POU2AF2: variants seen among roughly 807,000 people sequenced by gnomAD.
The protein encoded by POU2AF2 is POU domain class 2-associating factor 2.
chr11:111,285,917 A>G, the POU2AF2 span: 12 of 1,613,794 alleles, frequency 7.4e-6, no homozygotes, highest in Admixed American at 1.5e-4. Flanking sequence ...GACGGTGTCA[A>G]ATGACCTACC....
At chr11:111,285,353 T>C in the POU2AF2 span, among the ~76,000 whole-genome samples, 2 of 152,216 alleles carry the variant, frequency 1.3e-5, no homozygotes, top group African/African-American at 4.8e-5. Flanking sequence ...CAGAGTGCAT[T>C]GCACACAGTA....
the POU2AF2 span, chr11:111,284,034 T>A: frequency 6.3e-7 from 1 of 1,590,726 alleles, no homozygotes; most frequent in Non-Finnish European, 8.6e-7. Flanking sequence ...TTGACCGCCC[T>A]GGGAGGAATT....
chr11:111,275,424 G>A, the POU2AF2 span, among the ~76,000 whole-genome samples: 1 of 152,220 alleles, frequency 6.6e-6, no homozygotes, highest in Non-Finnish European at 1.5e-5. Flanking sequence ...GAGGACAGGT[G>A]TCCAATTGGC....
chr11:111,260,033 T>C, the POU2AF2 span, among the ~76,000 whole-genome samples: 1 of 152,244 alleles, frequency 6.6e-6, no homozygotes, highest in South Asian at 2.1e-4. Context: ...GGATATCATA[T>C]GCATTAGTCA....
the POU2AF2 span, among the ~76,000 whole-genome samples, chr11:111,276,453 A>AAAAAAAAAAAAAAAAATAT: frequency 2.7e-5 from 1 of 37,688 alleles, no homozygotes; most frequent in African/African-American, 9.6e-5. Context: ...AAAAAAAAAA[A>AAAAAAAAAAAAAAAAATAT]ATATATATAT....
At chr11:111,268,848 TCTTTA>T in the POU2AF2 span, among the ~76,000 whole-genome samples, 10 of 152,024 alleles carry the variant, frequency 6.6e-5, no homozygotes, top group South Asian at 2.1e-4. Flanking sequence ...GCACCCAGCC[TCTTTA>T]CTTTTCTTTT....
the POU2AF2 span, chr11:111,256,066 G>A: frequency 1.5e-5 from 6 of 399,036 alleles, no homozygotes; most frequent in South Asian, 1.3e-4. Context: ...AAAACGATCC[G>A]GGCAGACAAG....
At chr11:111,260,214 C>A in the POU2AF2 span, among the ~76,000 whole-genome samples, 1 of 152,076 alleles carries the variant, frequency 6.6e-6, no homozygotes. Flanking sequence ...TCTCATATAT[C>A]GAGTAAGTTA....
the POU2AF2 span, chr11:111,285,910 G>A: frequency 4.3e-5 from 69 of 1,613,706 alleles, no homozygotes; most frequent in Non-Finnish European, 5.1e-5. Flanking sequence ...CTTTCATGAC[G>A]GTGTCAAATG....
chr11:111,276,585 T>C, the POU2AF2 span, among the ~76,000 whole-genome samples: 1 of 144,680 alleles, frequency 6.9e-6, no homozygotes, highest in African/African-American at 2.6e-5. Context: ...GAGGTTGCCG[T>C]GAGCTGAGAT....
chr11:111,281,390 C>A, the POU2AF2 span: 1 of 1,606,408 alleles, frequency 6.2e-7, no homozygotes, highest in Non-Finnish European at 8.5e-7. Context: ...ATTCTGTTTA[C>A]CTTCCAGGGC....
the POU2AF2 span, among the ~76,000 whole-genome samples, chr11:111,275,360 A>G: frequency 6.6e-6 from 1 of 152,222 alleles, no homozygotes; most frequent in Non-Finnish European, 1.5e-5. Context: ...GTTTGAGCAG[A>G]AAGCAAAGCA....
At chr11:111,252,924 C>T in the POU2AF2 span, among the ~76,000 whole-genome samples, 1 of 152,142 alleles carries the variant, frequency 6.6e-6, no homozygotes, top group Non-Finnish European at 1.5e-5. Flanking sequence ...TGTCTGGCTT[C>T]CAGCCACCCC....
At chr11:111,276,439 G>GAAAAAAAAAAAAAAAAAA in the POU2AF2 span, among the ~76,000 whole-genome samples, 13 of 44,408 alleles carry the variant, frequency 2.9e-4, 1 homozygote, top group African/African-American at 1.2e-3. Flanking sequence ...CTACTAAAAA[G>GAAAAAAAAAAAAAAAAAA]AAAAAAAAAA....
At chr11:111,276,564 C>T in the POU2AF2 span, among the ~76,000 whole-genome samples, 1 of 144,712 alleles carries the variant, frequency 6.9e-6, no homozygotes, top group Non-Finnish European at 1.5e-5. Context: ...ATCGCTTGAA[C>T]CCAGGAGGCG....
chr11:111,248,729 A>G, the POU2AF2 span, among the ~76,000 whole-genome samples: 9 of 152,362 alleles, frequency 5.9e-5, no homozygotes, highest in Admixed American at 5.2e-4. Flanking sequence ...AAAACATTAA[A>G]TAATTTAAAA....
chr11:111,258,628 C>A, the POU2AF2 span, among the ~76,000 whole-genome samples: 2 of 152,066 alleles, frequency 1.3e-5, no homozygotes, highest in Non-Finnish European at 2.9e-5. Flanking sequence ...TGAGTTTTTA[C>A]TTTTTATAAA....
chr11:111,280,183 T>G, the POU2AF2 span, among the ~76,000 whole-genome samples: 3 of 151,134 alleles, frequency 2.0e-5, no homozygotes, highest in Admixed American at 1.3e-4. Flanking sequence ...TCCACATATT[T>G]TTCTTACGTC....
At chr11:111,267,220 T>C in the POU2AF2 span, among the ~76,000 whole-genome samples, 1 of 152,226 alleles carries the variant, frequency 6.6e-6, no homozygotes, top group East Asian at 1.9e-4. Flanking sequence ...GAACCTGCTT[T>C]CTGTCCCAGA....
Sources: gnomAD v4.1 joint callset for allele counts (sites outside exome capture counted in the v4.1 genomes callset) on GRCh38, gnomAD v4.1.1 for gene constraint, MANE v1.5 for transcripts, NCBI Gene and HGNC (gene_info 2026-07-23, HGNC 2026-07-21) for gene names.